The following ZMYM2 variants were observed in gnomAD, a reference collection of about 807,000 sequenced individuals.
The protein encoded by ZMYM2 is zinc finger MYM-type containing 2.
In ZMYM2, 56 loss-of-function variants were observed where a neutral mutation model predicts 162.8. The observed-to-expected ratio is 0.34, with a 90% confidence interval of 0.28 to 0.43. The LOEUF (loss-of-function observed/expected upper bound fraction) is 0.43. Among genes scored for constraint, ZMYM2 ranks in the 20% least tolerant of loss-of-function variants. The probability of loss-of-function intolerance (pLI) is 1.00; values close to 1 mark genes in which losing one functional copy is unlikely to be tolerated. For missense variants in ZMYM2, 1,275 were observed against 1,621.8 expected, an observed-to-expected ratio of 0.79 and a Z score of 3.67; for synonymous variants, 510 against 541.6, an observed-to-expected ratio of 0.94 and a Z score of 0.81.
chr13:19,958,120 A>C (rs1231568375), upstream of ZMYM2, among the ~76,000 whole-genome samples: 1 of 151,884 alleles, frequency 6.6e-6, no homozygotes, highest in Non-Finnish European at 1.5e-5. Context: ...CGAGGGTGGA[A>C]GGGCCTCCAC....
the ZMYM2 span, among the ~76,000 whole-genome samples, chr13:19,883,428 TGAAGCACATC>T: frequency 6.6e-6 from 1 of 152,232 alleles, no homozygotes; most frequent in South Asian, 2.1e-4. Flanking sequence ...TAAAAAAGAA[TGAAGCACATC>T]TTTGACGCGA....
At chr13:19,884,093 G>C in the ZMYM2 span, among the ~76,000 whole-genome samples, 2 of 152,190 alleles carry the variant, frequency 1.3e-5, no homozygotes, top group Non-Finnish European at 2.9e-5. Flanking sequence ...AGTTTCTGCA[G>C]GGTAAACTGG....
chr13:19,904,996 C>G, the ZMYM2 span, among the ~76,000 whole-genome samples: 5 of 148,794 alleles, frequency 3.4e-5, no homozygotes, highest in African/African-American at 1.2e-4. Flanking sequence ...CATTTGAGTT[C>G]TTGCTTTCAA....
chr13:19,886,162 C>CTTT, the ZMYM2 span, among the ~76,000 whole-genome samples: 61 of 98,436 alleles, frequency 6.2e-4, 1 homozygote, highest in African/African-American at 8.8e-4. Flanking sequence ...TTCTTTCTTT[C>CTTT]TTTTTTTTTT....
rs1475719441 is a variant in ZMYM2 at position 19,982,406 on chromosome 13, G to A, written c.-10-10657G>A. On this transcript the variant is annotated intron_variant, in intron 2 of 24. Transcript: ENST00000610343. ...AGGTTCAGGTGATTCTTATGCCTCA[G>A]CCTCCTGAGTAGCCGAGATTACAGG... Among the ~76,000 whole-genome samples the A allele has an allele frequency of 5.5e-5, 8 of 146,548 alleles. No homozygotes were observed. The South Asian group carries it at 6.7e-4, about 12-fold the overall frequency.
chr13:19,865,014 T>C, the ZMYM2 span: 2 of 152,388 alleles, frequency 1.3e-5, no homozygotes, highest in South Asian at 2.1e-4. Context: ...ACTTACCTTA[T>C]GTCTGGAAAT....
At chr13:19,958,476 AC>A (rs1954717520), upstream of ZMYM2, among the ~76,000 whole-genome samples, 2 of 147,214 alleles carry the variant, frequency 1.4e-5, no homozygotes, top group African/African-American at 4.9e-5. Flanking sequence ...GGGGCGGGGG[AC>A]CGGCGGGGAG....
intron 7 of ZMYM2, chr13:20,024,992 T>A (rs948427523): frequency 2.3e-5 from 5 of 214,004 alleles, no homozygotes; most frequent in Admixed American, 1.2e-4. Flanking sequence ...TTTCTTATAC[T>A]TTTTCTATTC....
chr13:19,964,394 A>T (rs1056178250), intron 2 of ZMYM2, among the ~76,000 whole-genome samples: 4 of 151,132 alleles, frequency 2.6e-5, no homozygotes, highest in Non-Finnish European at 5.9e-5. Context: ...AAAAAAAAAT[A>T]AAGTGATTAT....
At chr13:20,016,656 A>G (rs1951656565) in intron 6 of ZMYM2, among the ~76,000 whole-genome samples, 1 of 151,976 alleles carries the variant, frequency 6.6e-6, no homozygotes, top group Non-Finnish European at 1.5e-5. Flanking sequence ...TATTATTTTA[A>G]ATGTTATTCC....
At chr13:19,968,126 T>TA (rs1212493219) in intron 2 of ZMYM2, among the ~76,000 whole-genome samples, 84 of 152,384 alleles carry the variant, frequency 5.5e-4, no homozygotes, top group Admixed American at 9.8e-4. Context: ...GCTAGTGACC[T>TA]AATTGCCAAA....
At chr13:19,872,049 A>G in the ZMYM2 span, among the ~76,000 whole-genome samples, 1 of 151,900 alleles carries the variant, frequency 6.6e-6, no homozygotes, top group African/African-American at 2.4e-5. Context: ...AGCTCATTGC[A>G]TCCTTGACCT....
the ZMYM2 span, among the ~76,000 whole-genome samples, chr13:19,875,708 G>A: frequency 2.8e-4 from 42 of 151,128 alleles, no homozygotes; most frequent in African/African-American, 9.0e-4. Flanking sequence ...CATTATCCTA[G>A]GTGAATTAAC....
intron 2 of ZMYM2, among the ~76,000 whole-genome samples, chr13:19,987,359 G>T (rs1158140114): frequency 6.6e-6 from 1 of 151,772 alleles, no homozygotes; most frequent in Non-Finnish European, 1.5e-5. Context: ...CACCTCCTTG[G>T]TTCAAGCGAT....
chr13:20,025,098 T>G (rs1286175615), intron 7 of ZMYM2: 2 of 210,470 alleles, frequency 9.5e-6, no homozygotes, highest in African/African-American at 4.5e-5. Context: ...CTGTGGTATT[T>G]GTGACATTTT....
chr13:20,031,467 A>G (rs1750787366), intron 10 of ZMYM2, 32 bp downstream of exon 10: 1 of 1,365,400 alleles, frequency 7.3e-7, no homozygotes, highest in Non-Finnish European at 1.0e-6. Flanking sequence ...GTGTTATCTA[A>G]TGCTAAAAAG....
At chr13:20,036,009 C>T (rs147846521) in intron 11 of ZMYM2, among the ~76,000 whole-genome samples, 13 of 152,050 alleles carry the variant, frequency 8.5e-5, no homozygotes, top group East Asian at 3.9e-4. Context: ...CTAGGTTGAT[C>T]GTGGGCAGCA....
intron 6 of ZMYM2, among the ~76,000 whole-genome samples, chr13:20,018,356 G>A (rs1298710858): frequency 6.6e-6 from 1 of 152,154 alleles, no homozygotes; most frequent in Non-Finnish European, 1.5e-5. Context: ...GGGAGTCCAT[G>A]CCTTACTATT....
intron 2 of ZMYM2, chr13:19,969,989 A>G (rs1036757272): frequency 4.8e-5 from 47 of 970,886 alleles, no homozygotes; most frequent in Non-Finnish European, 5.8e-5. Context: ...CTCTGGTCTC[A>G]TTTGCTTATT....
Sources: allele counts gnomAD v4.1 joint callset (sites outside exome capture counted in the v4.1 genomes callset), GRCh38; gene constraint gnomAD v4.1.1; transcripts MANE v1.5; gene names NCBI Gene and HGNC (gene_info 2026-07-23, HGNC 2026-07-21).